Variants in SASS6 observed in about 807,000 individuals in gnomAD.
The protein encoded by SASS6 is SAS-6 centriolar assembly protein, also known as spindle assembly abnormal protein 6 homolog.
Under a neutral mutation model 94.9 loss-of-function variants are expected in SASS6, and 59 were observed. The observed-to-expected ratio is 0.62, with a 90% CI of 0.50 to 0.77. The LOEUF (loss-of-function observed/expected upper bound fraction) is 0.77, where lower values mean the gene tolerates loss of function less well. Among genes scored for constraint, SASS6 ranks in the 30% least tolerant of loss-of-function variants. The pLI, the probability that SASS6 is intolerant of heterozygous loss-of-function variation, is 0.00. For synonymous variants in SASS6, 264 were observed against 270.0 expected (o/e 0.98, Z 0.22); for missense variants, 698 against 734.1 (o/e 0.95, Z 0.57).
chr1:100,092,795 T>C (rs1651823791), intron 14 of SASS6, among the ~76,000 whole-genome samples: 1 of 152,120 alleles, frequency 6.6e-6, no homozygotes, highest in Non-Finnish European at 1.5e-5. Context: ...CAGGATGGTC[T>C]CGATCTCCTG....
At chr1:100,107,103 TA>T (rs1179686940) in intron 11 of SASS6, 110 bp from the exon 12 acceptor site, 2 of 615,410 alleles carry the variant, frequency 3.2e-6, no homozygotes, top group African/African-American at 3.9e-5. Context: ...CTACTACTAT[TA>T]TTAAATGAGA....
intron 14 of SASS6, among the ~76,000 whole-genome samples, chr1:100,101,227 A>T (rs1333142616): frequency 5.3e-5 from 8 of 152,132 alleles, no homozygotes; most frequent in Non-Finnish European, 1.2e-4. Context: ...CGCCTTCTTA[A>T]CCAATAATTA....
intron 14 of SASS6, among the ~76,000 whole-genome samples, chr1:100,091,726 C>G (rs473759): frequency 0.26 from 37,515 of 142,650 alleles, 7,286 homozygotes; most frequent in African/African-American, 0.56. Context: ...ACAGAGAAAA[C>G]AGTAAACTTG....
In SASS6 at chr1:100,088,144, C is replaced by A; in HGVS notation, c.1767G>T (p.Lys589Asn). The change falls in exon 15 of 17, where the codon AAG becomes AAT. Residue 589 changes from lysine (K) to asparagine (N), a missense_variant. Coordinates refer to ENST00000287482, the MANE Select transcript of SASS6 (RefSeq NM_194292.3). The part of the protein sequence containing the change: ...ATISMPCSTD[K>N]ENGENVGLES... ...TTATGTCATTAAGCACTTACTTTTC[C>A]TTATCAGTTGAGCAAGGCATACTAA... The A allele has an allele frequency of 6.4e-7, 1 of 1,556,374 alleles. No individual in the cohort carries two copies. The highest frequency in any genetic ancestry group is 8.9e-7 in the Non-Finnish European group (1 of 1,129,060).
At chr1:100,105,235 A>G (rs1203776786) in intron 13 of SASS6, among the ~76,000 whole-genome samples, 1 of 152,170 alleles carries the variant, frequency 6.6e-6, no homozygotes, top group Non-Finnish European at 1.5e-5. Flanking sequence ...ACTTATAAAG[A>G]AGTGTGCTCT....
At chr1:100,094,222 T>C (rs1361846831) in intron 14 of SASS6, among the ~76,000 whole-genome samples, 1 of 152,192 alleles carries the variant, frequency 6.6e-6, no homozygotes, top group African/African-American at 2.4e-5. Context: ...GATTTAATCC[T>C]GTGAAAGTCA....
At position 100,107,436 on chromosome 1, in the gene SASS6, A is replaced by G. The variant is rs746751470; in HGVS notation, c.1264T>C (p.Leu422=). 1 of 1,610,030 alleles carries G rather than the reference A, an allele frequency of 6.2e-7. No individual in the cohort carries two copies. The highest frequency in any genetic ancestry group is 8.5e-7 in the Non-Finnish European group (1 of 1,176,766). Residue 422 remains leucine, a synonymous_variant, in exon 11 of 17, where the codon TTA becomes CTA. Transcript: ENST00000287482. ...TGTAATTCCTTTTGTTCCTTTTGTAATTTTTCCTCCTTCTCAGCCAAGAGT... is the reference window on the plus strand; with the variant it reads ...TGTAATTCCTTTTGTTCCTTTTGTAGTTTTTCCTCCTTCTCAGCCAAGAGT... ...EKLLAEKEEK[L]QKEQKELQDV...
Position 100,132,895 on chromosome 1 carries a change from G to C in SASS6, c.-81C>G, listed in dbSNP as rs1655199759. The C allele has an allele frequency of 7.4e-7, 1 of 1,349,808 alleles. No homozygotes were observed. Among genetic ancestry groups the C allele is most frequent in the South Asian group, 1.2e-5 (1 of 84,200 alleles). 83.6% of individuals were successfully genotyped at this position (1,349,808 alleles called of 1,614,324 possible). A position where few individuals can be genotyped will look rare whatever the true frequency, so the allele number is the denominator to read the frequency against. ...GATTAGCCTGAGAGGTCCGGGTCCT[G>C]ATAAAGTTTGAGTTTGGCGCTCGGC... On this transcript the variant is annotated 5_prime_UTR_variant, in exon 1 of 17. In the 5' UTR this introduces an upstream ATG that the reference lacks. Coordinates refer to ENST00000287482, the MANE Select transcript of SASS6 (RefSeq NM_194292.3).
chr1:100,122,600 T>TG, intron 3 of SASS6, 116 bp from the exon 4 acceptor site: 1 of 426,242 alleles, frequency 2.3e-6, no homozygotes, highest in South Asian at 2.9e-5. Flanking sequence ...TCACCCAGGC[T>TG]GGAGTGCAGT....
In SASS6 at chr1:100,121,646, G is replaced by A. The variant is rs1179389284; in HGVS notation, c.312-97C>T. The A allele has an allele frequency of 6.0e-5, 42 of 704,558 alleles. No homozygotes were observed. In the South Asian group the frequency reaches 6.8e-4, roughly 11 times the overall value. 43.6% of individuals were successfully genotyped at this position (704,558 alleles called of 1,614,324 possible). On this transcript the variant is annotated intron_variant, in intron 4 of 16. Transcript: ENST00000287482. ...CTCTACTTAAGAAAGCTCAGGAAAG[G>A]GAGCACATTGAGGACTCCCAATGGT...
chr1:100,091,283 T>G (rs1651662176), intron 14 of SASS6, among the ~76,000 whole-genome samples: 1 of 151,714 alleles, frequency 6.6e-6, no homozygotes. Flanking sequence ...GGCAACAGAG[T>G]GAAACTCTTT....
chr1:100,092,730 C>A (rs1034123892), intron 14 of SASS6, among the ~76,000 whole-genome samples: 6 of 152,236 alleles, frequency 3.9e-5, no homozygotes, highest in African/African-American at 1.4e-4. Context: ...CGCCCACCAC[C>A]ATGCCCAGCT....
chr1:100,089,562 C>G (rs994487776), intron 14 of SASS6, among the ~76,000 whole-genome samples: 1 of 151,926 alleles, frequency 6.6e-6, no homozygotes, highest in African/African-American at 2.4e-5. Flanking sequence ...TGACATCTTG[C>G]CAGAAAGTAT....
intron 2 of SASS6, 69 bp from the exon 3 acceptor site, chr1:100,123,358 A>G (rs1412115876): frequency 3.8e-5 from 28 of 742,538 alleles, no homozygotes; most frequent in Non-Finnish European, 2.3e-6. Context: ...TCTTCTCAGA[A>G]GTAAAGAAAT....
At chr1:100,122,962 T>C (rs567309315) in intron 3 of SASS6, among the ~76,000 whole-genome samples, 2 of 28,346 alleles carry the variant, frequency 7.1e-5, no homozygotes, top group Non-Finnish European at 2.3e-4. Flanking sequence ...ATAGAACGTA[T>C]TCAATGGGAA....
At chr1:100,091,624 T>C (rs1389136473) in intron 14 of SASS6, among the ~76,000 whole-genome samples, 2 of 106,078 alleles carry the variant, frequency 1.9e-5, no homozygotes, top group East Asian at 5.1e-4. Flanking sequence ...TGTAAAAAAG[T>C]CTCATTAAAA....
At chr1:100,096,855 C>T (rs961833704) in intron 14 of SASS6, among the ~76,000 whole-genome samples, 5 of 152,152 alleles carry the variant, frequency 3.3e-5, no homozygotes, top group African/African-American at 1.2e-4. Context: ...GTGGCTGATG[C>T]CTGTAATCCC....
In SASS6 at chr1:100,084,110, C is replaced by G. The variant is rs763201083; in HGVS notation, c.*1218G>C. On this transcript the variant is annotated 3_prime_UTR_variant, in exon 17 of 17. Coordinates refer to ENST00000287482, the MANE Select transcript of SASS6 (RefSeq NM_194292.3). The stretch of plus-strand genomic sequence containing the variant: ...TAGATCCCTAGTTTAAAGACACTTG[C>G]AATTGCCAATAGTTTCAAGATACTG... The G allele has an allele frequency of 6.8e-6, 1 of 147,536 alleles. No individual in the cohort carries two copies. Among genetic ancestry groups the G allele is most frequent in the African/African-American group, 2.5e-5 (1 of 39,766 alleles). 9.1% of individuals were successfully genotyped at this position (147,536 alleles called of 1,614,324 possible).
chr1:100,089,476 T>A (rs975253746), intron 14 of SASS6, among the ~76,000 whole-genome samples: 8 of 151,942 alleles, frequency 5.3e-5, no homozygotes, highest in Admixed American at 5.2e-4. Flanking sequence ...AAATGAATGA[T>A]AAAGAGAAAA....
Sources: allele counts gnomAD v4.1 joint callset (sites outside exome capture counted in the v4.1 genomes callset), GRCh38; gene constraint gnomAD v4.1.1; transcripts MANE v1.5; gene names NCBI Gene and HGNC (gene_info 2026-07-23, HGNC 2026-07-21).